ARHGAP42: variants seen among roughly 807,000 people sequenced by gnomAD.
The protein encoded by ARHGAP42 is rho GTPase-activating protein 42.
Under a neutral mutation model 125.0 loss-of-function variants are expected in ARHGAP42, and 63 were observed. That is an observed-to-expected ratio of 0.50 (90% CI 0.41 to 0.62). ARHGAP42 has a LOEUF of 0.62. ARHGAP42 is among the 20% of genes least tolerant of loss of function. The pLI is 0.00. For missense variants in ARHGAP42, 766 were observed against 1,024.2 expected (o/e 0.75, Z 3.44); for synonymous variants, 339 against 351.0 (o/e 0.97, Z 0.38).
intron 3 of ARHGAP42, among the ~76,000 whole-genome samples, chr11:100,845,344 CAG>C (rs1293846120): frequency 1.1e-4 from 16 of 151,800 alleles, no homozygotes; most frequent in Non-Finnish European, 1.9e-4. Context: ...TTTGGGGACT[CAG>C]AGGGAAAGGG....
chr11:100,861,713 T>G (rs1865448908), intron 4 of ARHGAP42, among the ~76,000 whole-genome samples: 1 of 152,168 alleles, frequency 6.6e-6, no homozygotes, highest in African/African-American at 2.4e-5. Flanking sequence ...ATAGGCCACA[T>G]TTATGTTGGA....
At chr11:100,776,993 A>C (rs1438170045) in intron 2 of ARHGAP42, among the ~76,000 whole-genome samples, 4 of 152,092 alleles carry the variant, frequency 2.6e-5, no homozygotes, top group Admixed American at 1.3e-4. Flanking sequence ...AAAAAAAAAA[A>C]AAAAAAAACA....
At position 100,722,741 on chromosome 11, in the gene ARHGAP42, G is replaced by A. The variant is rs373670716; in HGVS notation, c.154+34909G>A. On this transcript the variant is annotated intron_variant, in intron 1 of 23. Transcript: ENST00000298815. ...TATGTTTTGCAAAGCTTTACTTCCAGTCTACAGCTTTTTATTCTCCCAACA... is the reference window on the plus strand; with the variant it reads ...TATGTTTTGCAAAGCTTTACTTCCAATCTACAGCTTTTTATTCTCCCAACA... Among the ~76,000 whole-genome samples the A allele has an allele frequency of 5.9e-5, 9 of 152,292 alleles. No individual in the cohort carries two copies. In the East Asian group the frequency reaches 1.4e-3, roughly 23 times the overall value.
chr11:100,809,670 G>A (rs781025735), intron 3 of ARHGAP42, among the ~76,000 whole-genome samples: 1 of 152,154 alleles, frequency 6.6e-6, no homozygotes, highest in Non-Finnish European at 1.5e-5. Flanking sequence ...GAAACCAGAG[G>A]CAGGCTGGGT....
intron 1 of ARHGAP42, among the ~76,000 whole-genome samples, chr11:100,769,425 C>T (rs1373922562): frequency 6.6e-6 from 1 of 152,154 alleles, no homozygotes; most frequent in Non-Finnish European, 1.5e-5. Context: ...TTATTCTGGG[C>T]TTTTCTTTTT....
chr11:100,883,952 C>T (rs970246706), intron 4 of ARHGAP42, among the ~76,000 whole-genome samples: 1 of 152,134 alleles, frequency 6.6e-6, no homozygotes, highest in African/African-American at 2.4e-5. Context: ...CTGAGCAATT[C>T]AATGCTAGAA....
At chr11:100,752,173 G>T (rs1458609295) in intron 1 of ARHGAP42, among the ~76,000 whole-genome samples, 1 of 152,148 alleles carries the variant, frequency 6.6e-6, no homozygotes, top group Non-Finnish European at 1.5e-5. Flanking sequence ...AACCTGGAGG[G>T]TGCTCCACCT....
At chr11:100,844,741 C>T (rs1865022254) in intron 3 of ARHGAP42, among the ~76,000 whole-genome samples, 2 of 144,872 alleles carry the variant, frequency 1.4e-5, no homozygotes, top group African/African-American at 2.9e-5. Flanking sequence ...AACCACAGTA[C>T]GATATCACCT....
intron 1 of ARHGAP42, among the ~76,000 whole-genome samples, chr11:100,707,176 T>C (rs961372549): frequency 1.3e-5 from 2 of 152,310 alleles, no homozygotes; most frequent in African/African-American, 4.8e-5. Flanking sequence ...TTTCTTCTAA[T>C]TTTTTTGGCT....
intron 1 of ARHGAP42, among the ~76,000 whole-genome samples, chr11:100,721,705 C>G (rs1048214849): frequency 6.6e-6 from 1 of 151,992 alleles, no homozygotes; most frequent in Non-Finnish European, 1.5e-5. Context: ...AGCTCCTGAC[C>G]TCAGGTGATC....
chr11:100,905,863 A>G (rs1293337955), intron 4 of ARHGAP42, among the ~76,000 whole-genome samples: 1 of 152,158 alleles, frequency 6.6e-6, no homozygotes, highest in African/African-American at 2.4e-5. Flanking sequence ...CTGTGTTTCC[A>G]GCTACTCGGG....
intron 1 of ARHGAP42, among the ~76,000 whole-genome samples, chr11:100,727,710 T>C (rs2120293950): frequency 6.6e-6 from 1 of 152,342 alleles, no homozygotes; most frequent in Admixed American, 6.5e-5. Context: ...CTTGGGACTC[T>C]TCTGGAGCTC....
At chr11:100,817,038 T>C (rs770724355) in intron 3 of ARHGAP42, among the ~76,000 whole-genome samples, 1 of 152,168 alleles carries the variant, frequency 6.6e-6, no homozygotes, top group Non-Finnish European at 1.5e-5. Flanking sequence ...TCACCAGAAG[T>C]GAATCAGGCT....
chr11:100,924,328 A>G (rs1867360760), intron 6 of ARHGAP42, among the ~76,000 whole-genome samples: 1 of 152,092 alleles, frequency 6.6e-6, no homozygotes, highest in African/African-American at 2.4e-5. Context: ...TCAAGATCTT[A>G]CTGCTTGTCA....
Position 100,824,175 on chromosome 11 carries a change from G to A in ARHGAP42, c.312+29009G>A, listed in dbSNP as rs75905263. 3.6e-3 allele frequency among the ~76,000 whole-genome samples: 547 copies of A among 152,284 alleles called. 3 individuals are homozygous for A. Among genetic ancestry groups the A allele is most frequent in the African/African-American group, 0.013 (529 of 41,560 alleles). On this transcript the variant is annotated intron_variant, in intron 3 of 23. Transcript: ENST00000298815. ...AGCATGTGGGTAGTAGCCTCTGGAA[G>A]TGAAACTGTAGGAATGTTTGTGAGA...
intron 1 of ARHGAP42, among the ~76,000 whole-genome samples, chr11:100,766,844 C>A (rs1474349585): frequency 2.0e-5 from 3 of 152,150 alleles, no homozygotes; most frequent in African/African-American, 7.2e-5. Flanking sequence ...TTTCAGACAT[C>A]CCCTTCATTC....
At chr11:100,931,642 C>T (rs1867585202) in intron 6 of ARHGAP42, among the ~76,000 whole-genome samples, 1 of 152,098 alleles carries the variant, frequency 6.6e-6, no homozygotes, top group African/African-American at 2.4e-5. Context: ...AATGGTAAAA[C>T]ATGAAACAAT....
intron 1 of ARHGAP42, among the ~76,000 whole-genome samples, chr11:100,741,783 G>A (rs573671433): frequency 6.6e-6 from 1 of 152,272 alleles, no homozygotes; most frequent in African/African-American, 2.4e-5. Context: ...AACTTAGTTT[G>A]AGAAGTATTT....
intron 1 of ARHGAP42, among the ~76,000 whole-genome samples, chr11:100,697,116 G>T (rs1436264489): frequency 6.6e-6 from 1 of 151,832 alleles, no homozygotes; most frequent in African/African-American, 2.4e-5. Context: ...GAAACGGAAT[G>T]ACATCCCTTT....
Sources: allele counts gnomAD v4.1 joint callset (sites outside exome capture counted in the v4.1 genomes callset), GRCh38; gene constraint gnomAD v4.1.1; transcripts MANE v1.5; gene names NCBI Gene and HGNC (gene_info 2026-07-23, HGNC 2026-07-21).